NMNAT1: variants seen among roughly 807,000 people sequenced by gnomAD.
The protein encoded by NMNAT1 is nicotinamide nucleotide adenylyltransferase 1.
In NMNAT1, 11 loss-of-function variants were observed where a neutral mutation model predicts 16.7. The ratio of observed to expected loss-of-function variants is 0.66; its 90% CI spans 0.41 to 1.09. The LOEUF is 1.09. Among genes scored for constraint, NMNAT1 ranks in the 50% least tolerant of loss-of-function variants. NMNAT1 has a pLI of 0.00. For missense variants in NMNAT1, 280 were observed against 332.3 expected (o/e 0.84, Z 1.22); for synonymous variants, 110 against 119.8 (o/e 0.92, Z 0.53).
At chr1:9,952,283 C>G (rs1641134725) in intron 1 of NMNAT1, 1 of 151,860 alleles carries the variant, frequency 6.6e-6, no homozygotes, top group African/African-American at 2.4e-5. Flanking sequence ...GCTGGGGTGA[C>G]AGAGTGAGAC....
In NMNAT1 at chr1:9,971,889, G is replaced by T. The variant is rs1641696785; in HGVS notation, c.-56-129G>T. ...AGAGGCTGAGGTGGGAGCATCACTT[G>T]AGCCCAGAAGTTTGAGGGTGCAGTC... On this transcript the variant is annotated intron_variant, in intron 1 of 4. Coordinates refer to ENST00000377205, the MANE Select transcript of NMNAT1 (RefSeq NM_022787.4). 5.6e-6 allele frequency: 3 copies of T among 533,710 alleles called. No homozygotes were observed. In the East Asian group the frequency reaches 9.7e-5, roughly 17 times the overall value. 33.1% of individuals were successfully genotyped at this position (533,710 alleles called of 1,614,324 possible).
In NMNAT1 at chr1:9,962,481, G is replaced by GA. The variant is rs200962954; in HGVS notation, c.-56-9522dup. Among the ~76,000 whole-genome samples, 662 of 121,874 alleles carry GA rather than the reference G, an allele frequency of 5.4e-3. 4 individuals carry two copies. The highest frequency in any genetic ancestry group is 0.015 in the East Asian group (61 of 3,998). The allele number at this position is 121,874 out of a possible 152,430, so 80.0% of individuals were successfully genotyped here. On this transcript the variant is annotated intron_variant, in intron 1 of 4. Transcript: ENST00000377205. ...TGGGCGACAGAGCGAGACTCCGTCT[G>GA]AAAAAAAAAAAAAAATAACAGCTAC...
intron 1 of NMNAT1, among the ~76,000 whole-genome samples, chr1:9,963,764 T>C (rs1641480078): frequency 6.6e-6 from 1 of 152,018 alleles, no homozygotes; most frequent in Non-Finnish European, 1.5e-5. Context: ...AACCTAAATA[T>C]CCAAAGGTCG....
intron 1 of NMNAT1, among the ~76,000 whole-genome samples, chr1:9,971,705 G>C (rs1641691803): frequency 6.6e-6 from 1 of 152,096 alleles, no homozygotes. Context: ...ACTCATGCTT[G>C]TAATCCCAGC....
At chr1:9,969,451 A>G (rs1210323751) in intron 1 of NMNAT1, among the ~76,000 whole-genome samples, 1 of 152,146 alleles carries the variant, frequency 6.6e-6, no homozygotes, top group Non-Finnish European at 1.5e-5. Context: ...TACAGAAAAA[A>G]TGATTAGATG....
At chr1:9,979,756 C>T (rs1179806424) in intron 3 of NMNAT1, among the ~76,000 whole-genome samples, 1 of 147,894 alleles carries the variant, frequency 6.8e-6, no homozygotes. Flanking sequence ...GAGCTGAGAT[C>T]GTGCCACTGC....
At chr1:9,975,184 T>C (rs1384075904) in intron 2 of NMNAT1, among the ~76,000 whole-genome samples, 1 of 152,066 alleles carries the variant, frequency 6.6e-6, no homozygotes, top group African/African-American at 2.4e-5. Flanking sequence ...CTGGAATCCC[T>C]AAAGAAAGAG....
chr1:9,985,865 G>C (rs1448665488), downstream of NMNAT1, among the ~76,000 whole-genome samples: 1 of 152,194 alleles, frequency 6.6e-6, no homozygotes, highest in East Asian at 1.9e-4. Context: ...GTTTCACCGT[G>C]ATGGCAAAGC....
chr1:9,960,330 T>C (rs888353324), intron 1 of NMNAT1, among the ~76,000 whole-genome samples: 1 of 152,020 alleles, frequency 6.6e-6, no homozygotes, highest in African/African-American at 2.4e-5. Context: ...CTTAATGTTA[T>C]GTTAATATTT....
chr1:9,963,554 C>T (rs930686442), intron 1 of NMNAT1, among the ~76,000 whole-genome samples: 22 of 152,062 alleles, frequency 1.4e-4, no homozygotes, highest in Non-Finnish European at 2.5e-4. Flanking sequence ...GGATTACAGG[C>T]GCACACCACC....
chr1:9,950,420 T>C (rs1229557176), intron 1 of NMNAT1, among the ~76,000 whole-genome samples: 1 of 152,190 alleles, frequency 6.6e-6, no homozygotes, highest in African/African-American at 2.4e-5. Flanking sequence ...ATGACTGATT[T>C]TGACATGCTT....
At chr1:9,963,794 G>C (rs1183334399) in intron 1 of NMNAT1, among the ~76,000 whole-genome samples, 2 of 152,096 alleles carry the variant, frequency 1.3e-5, no homozygotes, top group African/African-American at 4.8e-5. Flanking sequence ...TGGAAAAACT[G>C]AATTAACTAT....
chr1:9,977,937 A>G (rs1207170388), intron 3 of NMNAT1, among the ~76,000 whole-genome samples: 5 of 152,184 alleles, frequency 3.3e-5, no homozygotes, highest in Non-Finnish European at 7.3e-5. Flanking sequence ...TCAGAGTTCA[A>G]CAAACCAATT....
chr1:9,985,862 C>T (rs1012814651), downstream of NMNAT1, among the ~76,000 whole-genome samples: 2 of 152,150 alleles, frequency 1.3e-5, no homozygotes, highest in East Asian at 1.9e-4. Flanking sequence ...AGGGTTTCAC[C>T]GTGATGGCAA....
chr1:9,957,365 CTG>C (rs1641289204), intron 1 of NMNAT1, among the ~76,000 whole-genome samples: 1 of 146,960 alleles, frequency 6.8e-6, no homozygotes, highest in African/African-American at 2.5e-5. Context: ...CAGTCTCACT[CTG>C]TTTCTTGCAG....
rs368062092 is a variant in NMNAT1 at position 9,982,571 on chromosome 1, G to T, written c.710G>T (p.Arg237Leu). 6.2e-7 allele frequency: 1 copy of T among 1,613,992 alleles called. No homozygotes were observed. The highest frequency in any genetic ancestry group is 8.5e-7 in the Non-Finnish European group (1 of 1,180,042). The part of the protein sequence containing the change: ...RRALRRGQSI[R>L]YLVPDLVQEY... ...GCCCTCAGAAGGGGCCAGAGCATTCGCTACTTGGTACCAGATCTTGTCCAA... is the reference window on the plus strand; with the variant it reads ...GCCCTCAGAAGGGGCCAGAGCATTCTCTACTTGGTACCAGATCTTGTCCAA... The change falls in exon 5 of 5, where the codon CGC (arginine) becomes CTC (leucine). Residue 237 changes from arginine (R) to leucine (L), a missense_variant. Physicochemically the swap from Arg to Leu is moderately radical, Grantham distance 102. Coordinates refer to ENST00000377205, the MANE Select transcript of NMNAT1 (RefSeq NM_022787.4).
intron 1 of NMNAT1, among the ~76,000 whole-genome samples, chr1:9,965,407 T>G (rs1213123925): frequency 6.6e-6 from 1 of 151,790 alleles, no homozygotes; most frequent in Non-Finnish European, 1.5e-5. Flanking sequence ...ATTTTTATAT[T>G]ATTGTTGTTA....
upstream of NMNAT1, chr1:9,942,926 TTC>T (rs886618151): frequency 2.8e-6 from 1 of 354,522 alleles, no homozygotes; most frequent in African/African-American, 2.1e-5. Context: ...ACCGCAGCCT[TTC>T]TGAGTTTCTT....
chr1:9,950,925 C>T (rs1191228402), intron 1 of NMNAT1, among the ~76,000 whole-genome samples: 1 of 152,084 alleles, frequency 6.6e-6, no homozygotes, highest in Admixed American at 6.6e-5. Flanking sequence ...CCCATCTCTA[C>T]TAAAAATACC....
Sources: allele counts gnomAD v4.1 joint callset (sites outside exome capture counted in the v4.1 genomes callset), GRCh38; gene constraint gnomAD v4.1.1; transcripts MANE v1.5; gene names NCBI Gene and HGNC (gene_info 2026-07-23, HGNC 2026-07-21).